TAFA2: variants seen among roughly 807,000 people sequenced by gnomAD.
TAFA2 encodes chemokine-like protein TAFA-2.
A neutral mutation model predicts 18.8 loss-of-function variants in TAFA2; 7 were observed. The ratio of observed to expected loss-of-function variants is 0.37; its 90% CI spans 0.21 to 0.70. The LOEUF is 0.70. Among genes scored for constraint, TAFA2 ranks in the 30% least tolerant of loss-of-function variants. The probability of loss-of-function intolerance (pLI) is 0.53; values close to 1 mark genes in which losing one functional copy is unlikely to be tolerated. For synonymous variants in TAFA2, 60 were observed against 54.2 expected (o/e 1.11, Z -0.47); for missense variants, 122 against 158.1 (o/e 0.77, Z 1.23).
chr12:61,892,654 TG>T (rs749774858), intron 1 of TAFA2, among the ~76,000 whole-genome samples: 10 of 152,064 alleles, frequency 6.6e-5, no homozygotes, highest in Non-Finnish European at 1.2e-4. Context: ...CTGGCCAACA[TG>T]GAAAAACTCC....
chr12:62,134,041 T>C (rs1870795448), intron 1 of TAFA2, among the ~76,000 whole-genome samples: 1 of 151,996 alleles, frequency 6.6e-6, no homozygotes, highest in African/African-American at 2.4e-5. Context: ...TCACTCTCTT[T>C]TCTGAGGCAT....
At chr12:62,080,328 C>T (rs1413612685) in intron 1 of TAFA2, among the ~76,000 whole-genome samples, 1 of 152,174 alleles carries the variant, frequency 6.6e-6, no homozygotes, top group East Asian at 1.9e-4. Context: ...TTTTTCTTGT[C>T]TTAAAGTCCC....
chr12:62,205,077 C>T (rs530420466), intron 1 of TAFA2, among the ~76,000 whole-genome samples: 2 of 152,294 alleles, frequency 1.3e-5, no homozygotes, highest in South Asian at 2.1e-4. Flanking sequence ...CAGTCAGGCC[C>T]CTTTTCCATG....
At chr12:61,717,351 A>G (rs1245913680) in intron 4 of TAFA2, among the ~76,000 whole-genome samples, 4 of 152,198 alleles carry the variant, frequency 2.6e-5, no homozygotes, top group Non-Finnish European at 5.9e-5. Flanking sequence ...AGACAATGAC[A>G]TATGAATCAC....
intron 1 of TAFA2, among the ~76,000 whole-genome samples, chr12:61,953,193 T>C (rs1224526475): frequency 6.6e-6 from 1 of 152,070 alleles, no homozygotes; most frequent in Non-Finnish European, 1.5e-5. Flanking sequence ...GAGAGCACTA[T>C]GCACTTTCCA....
chr12:61,869,134 T>C (rs1874483058), intron 1 of TAFA2, among the ~76,000 whole-genome samples: 1 of 152,180 alleles, frequency 6.6e-6, no homozygotes. Context: ...CCAACAGCTG[T>C]AAACTCTCTG....
intron 4 of TAFA2, among the ~76,000 whole-genome samples, chr12:61,734,223 G>C (rs1868266823): frequency 6.6e-6 from 1 of 151,622 alleles, no homozygotes; most frequent in African/African-American, 2.4e-5. Flanking sequence ...CTGCAAACAG[G>C]GACAATTGGA....
At chr12:62,152,842 C>G (rs550046667) in intron 1 of TAFA2, among the ~76,000 whole-genome samples, 1 of 152,262 alleles carries the variant, frequency 6.6e-6, no homozygotes, top group Non-Finnish European at 1.5e-5. Flanking sequence ...TTAATTTTAA[C>G]CAATCTCCAC....
intron 1 of TAFA2, among the ~76,000 whole-genome samples, chr12:62,147,312 GTGTGTGTATGTA>G (rs1331605766): frequency 6.6e-4 from 6 of 9,060 alleles, no homozygotes; most frequent in East Asian, 0.031. Flanking sequence ...GCATGTGTGT[GTGTGTGTATGTA>G]TGTATATATA....
chr12:62,236,240 A>G (rs191600337), intron 1 of TAFA2, among the ~76,000 whole-genome samples: 6 of 150,304 alleles, frequency 4.0e-5, no homozygotes, highest in African/African-American at 1.5e-4. Flanking sequence ...CAGCGAGTTT[A>G]TGCCTTCAAA....
At chr12:62,089,928 C>T (rs1868637985) in intron 1 of TAFA2, among the ~76,000 whole-genome samples, 1 of 152,016 alleles carries the variant, frequency 6.6e-6, no homozygotes, top group Non-Finnish European at 1.5e-5. Flanking sequence ...TCCACAGATC[C>T]ATCAAATCGC....
chr12:61,900,353 C>G (rs1876044877), intron 1 of TAFA2, among the ~76,000 whole-genome samples: 1 of 152,336 alleles, frequency 6.6e-6, no homozygotes, highest in Middle Eastern at 3.4e-3. Flanking sequence ...TTACTCCACA[C>G]ATTGCCAACA....
chr12:62,037,163 A>G (rs1881631930), intron 1 of TAFA2, among the ~76,000 whole-genome samples: 1 of 152,124 alleles, frequency 6.6e-6, no homozygotes, highest in Non-Finnish European at 1.5e-5. Flanking sequence ...TAGTGCCTCT[A>G]CCTCCAGCCT....
chr12:62,249,249 G>C (rs2062900629), intron 1 of TAFA2, among the ~76,000 whole-genome samples: 1 of 143,390 alleles, frequency 7.0e-6, no homozygotes, highest in Admixed American at 7.4e-5. Flanking sequence ...ACAACTTAGG[G>C]ACTGCTCCCT....
intron 1 of TAFA2, among the ~76,000 whole-genome samples, chr12:62,033,372 C>T (rs1463243096): frequency 6.6e-6 from 1 of 152,104 alleles, no homozygotes; most frequent in African/African-American, 2.4e-5. Flanking sequence ...TCAATGCAGA[C>T]CACTGACACA....
intron 1 of TAFA2, among the ~76,000 whole-genome samples, chr12:62,103,031 C>A (rs956099923): frequency 1.4e-4 from 21 of 152,186 alleles, no homozygotes; most frequent in Admixed American, 1.0e-3. Flanking sequence ...CAACCTCTAG[C>A]CCTGCTGACA....
At chr12:62,096,661 A>G (rs1386027373) in intron 1 of TAFA2, among the ~76,000 whole-genome samples, 1 of 152,164 alleles carries the variant, frequency 6.6e-6, no homozygotes, top group Non-Finnish European at 1.5e-5. Flanking sequence ...AAAGCATACA[A>G]TGCAATTTCC....
chr12:62,145,255 G>A (rs527956398), intron 1 of TAFA2, among the ~76,000 whole-genome samples: 11 of 152,318 alleles, frequency 7.2e-5, no homozygotes, highest in African/African-American at 2.2e-4. Flanking sequence ...CACACAACAG[G>A]TGAGCGGTAG....
At chr12:62,240,001 CAGAGAA>C (rs1033630903) in intron 1 of TAFA2, among the ~76,000 whole-genome samples, 2 of 151,714 alleles carry the variant, frequency 1.3e-5, no homozygotes, top group Non-Finnish European at 1.5e-5. Context: ...CCAAGAAGGA[CAGAGAA>C]AGAGTATAAA....
Sources: allele counts gnomAD v4.1 joint callset (sites outside exome capture counted in the v4.1 genomes callset), GRCh38; gene constraint gnomAD v4.1.1; transcripts MANE v1.5; gene names NCBI Gene and HGNC (gene_info 2026-07-23, HGNC 2026-07-21).